The following RAP1A variants were observed in gnomAD, a reference collection of about 807,000 sequenced individuals.
RAP1A encodes RAP1A, member of RAS oncogene family, also known as ras-related protein Rap-1A.
In RAP1A, 6 loss-of-function variants were observed where a neutral mutation model predicts 26.4. The ratio of observed to expected loss-of-function variants is 0.23; its 90% CI spans 0.12 to 0.45. The LOEUF is 0.45. Among genes scored for constraint, RAP1A ranks in the 20% least tolerant of loss-of-function variants. The pLI is 0.99. For missense variants in RAP1A, 121 were observed against 217.2 expected, an observed-to-expected ratio of 0.56 and a Z score of 2.78; for synonymous variants, 73 against 79.4, an observed-to-expected ratio of 0.92 and a Z score of 0.43.
chr1:111,568,628 C>T (rs2101053954), intron 1 of RAP1A, among the ~76,000 whole-genome samples: 1 of 152,312 alleles, frequency 6.6e-6, no homozygotes, highest in Admixed American at 6.5e-5. Context: ...GGGAGGTAGC[C>T]TAATAATGCT....
Position 111,695,425 on chromosome 1 carries a change from T to G in RAP1A, c.126+16T>G, listed in dbSNP as rs752231023. ...CTACAGAAAGGTAAAATGTGAAACT[T>G]GTACACACATGCTTACAAGTAGTTC... On this transcript the variant is annotated intron_variant, in intron 3 of 7. Coordinates refer to ENST00000369709, the MANE Select transcript of RAP1A (RefSeq NM_002884.4). 6.7e-7 allele frequency: 1 copy of G among 1,502,120 alleles called. No homozygotes were observed. The highest frequency in any genetic ancestry group is 2.4e-5 in the East Asian group (1 of 40,952). 93.0% of individuals were successfully genotyped at this position (1,502,120 alleles called of 1,614,324 possible).
At chr1:111,657,065 A>AG (rs1473377712) in intron 1 of RAP1A, among the ~76,000 whole-genome samples, 1 of 151,768 alleles carries the variant, frequency 6.6e-6, no homozygotes, top group Non-Finnish European at 1.5e-5. Flanking sequence ...TTACTACAAT[A>AG]GGTACTTCAT....
rs534778891 is a variant in RAP1A at position 111,632,824 on chromosome 1, G to A, written c.-28+12890G>A. On this transcript the variant is annotated intron_variant, in intron 1 of 7. Coordinates refer to ENST00000369709, the MANE Select transcript of RAP1A (RefSeq NM_002884.4). ...TAATCCCAGCTACTCAGGAGGCTGA[G>A]GCAGGAGAATCCCTTGAACCTGGGA... Among the ~76,000 whole-genome samples, 7 of 151,844 alleles carry A rather than the reference G, an allele frequency of 4.6e-5. No homozygotes were observed. In the South Asian group the frequency reaches 1.0e-3, roughly 22 times the overall value.
At chr1:111,634,373 T>C (rs1486781570) in intron 1 of RAP1A, among the ~76,000 whole-genome samples, 1 of 152,008 alleles carries the variant, frequency 6.6e-6, no homozygotes, top group Non-Finnish European at 1.5e-5. Context: ...ATTGTTACAT[T>C]GGTAAATGCA....
intron 1 of RAP1A, among the ~76,000 whole-genome samples, chr1:111,641,327 T>G (rs1273203559): frequency 1.3e-5 from 2 of 152,182 alleles, no homozygotes; most frequent in African/African-American, 4.8e-5. Flanking sequence ...CTTATTCTGT[T>G]CTTACCACTC....
rs528235996 is a variant in RAP1A at position 111,647,320 on chromosome 1, C to G, written c.-28+27386C>G. 6.6e-5 allele frequency among the ~76,000 whole-genome samples: 10 copies of G among 152,204 alleles called. 1 individual carries two copies. The highest frequency in any genetic ancestry group is 2.0e-4 in the Admixed American group (3 of 15,282). ...CTGTCTAGTTGCAGGAAAATAAGCT[C>G]AGGGTTCCCACTGATTCTACAGTAT... On this transcript the variant is annotated intron_variant, in intron 1 of 7. Transcript: ENST00000369709.
intron 1 of RAP1A, among the ~76,000 whole-genome samples, chr1:111,592,320 A>G (rs1470039390): frequency 2.0e-5 from 3 of 152,128 alleles, no homozygotes; most frequent in Non-Finnish European, 4.4e-5. Context: ...ATGTTCACCA[A>G]TCTCCTGGCT....
chr1:111,618,075 G>A (rs150867887), upstream of RAP1A, among the ~76,000 whole-genome samples: 272 of 151,810 alleles, frequency 1.8e-3, 1 homozygote, highest in African/African-American at 6.4e-3. Flanking sequence ...ATACTAAAAT[G>A]AGAAAAAGCA....
chr1:111,644,345 A>G (rs575028198), intron 1 of RAP1A, among the ~76,000 whole-genome samples: 2 of 152,316 alleles, frequency 1.3e-5, no homozygotes, highest in African/African-American at 4.8e-5. Flanking sequence ...TTGCAGGGGT[A>G]GGGACCTAGG....
At chr1:111,679,682 T>C (rs895625807) in intron 1 of RAP1A, among the ~76,000 whole-genome samples, 3 of 152,132 alleles carry the variant, frequency 2.0e-5, no homozygotes, top group Non-Finnish European at 4.4e-5. Context: ...CTGCACAGCA[T>C]TCTGAAGTTG....
intron 1 of RAP1A, among the ~76,000 whole-genome samples, chr1:111,642,440 C>T (rs1182488626): frequency 6.6e-6 from 1 of 151,386 alleles, no homozygotes; most frequent in Non-Finnish European, 1.5e-5. Context: ...CCCTTTCTTG[C>T]TTATTCCTCC....
intron 1 of RAP1A, among the ~76,000 whole-genome samples, chr1:111,595,194 C>T (rs17028068): frequency 0.016 from 2,434 of 152,156 alleles, 66 homozygotes; most frequent in African/African-American, 0.055. Context: ...AATTAATGTA[C>T]GAAATTTAGA....
At chr1:111,632,148 C>T (rs1659585653) in intron 1 of RAP1A, among the ~76,000 whole-genome samples, 1 of 151,408 alleles carries the variant, frequency 6.6e-6, no homozygotes, top group South Asian at 2.1e-4. Flanking sequence ...ATTAGAATAT[C>T]AAAGTGTGTG....
rs1025708891 is a variant in RAP1A, at chr1:111,656,715, T to TC, written c.-27-34612dup. ...TATCCCAAGAAACTATATACATGGT[T>TC]CCCCCCCGCCACTGCCTCACTCACT... On this transcript the variant is annotated intron_variant, in intron 1 of 7. Coordinates refer to ENST00000369709, the MANE Select transcript of RAP1A (RefSeq NM_002884.4). Among the ~76,000 whole-genome samples, 12 of 151,554 alleles carry TC rather than the reference T, an allele frequency of 7.9e-5. No homozygotes were observed. The East Asian group carries it at 9.7e-4, about 12-fold the overall frequency.
intron 1 of RAP1A, among the ~76,000 whole-genome samples, chr1:111,652,275 T>C (rs1660299879): frequency 1.3e-5 from 2 of 152,226 alleles, no homozygotes; most frequent in African/African-American, 4.8e-5. Context: ...CAAGTATTTT[T>C]AGAACCTCTG....
intron 1 of RAP1A, among the ~76,000 whole-genome samples, chr1:111,642,294 C>G (rs149517471): frequency 3.9e-5 from 6 of 152,038 alleles, no homozygotes; most frequent in African/African-American, 1.4e-4. Flanking sequence ...TAATCCCCAC[C>G]CCACAGAAAT....
chr1:111,604,206 G>A (rs1658726563), intron 1 of RAP1A, among the ~76,000 whole-genome samples: 1 of 152,238 alleles, frequency 6.6e-6, no homozygotes. Flanking sequence ...AAATGGGCTT[G>A]TGTAGTGCTC....
chr1:111,688,378 G>A (rs112190781), intron 1 of RAP1A, among the ~76,000 whole-genome samples: 1 of 143,554 alleles, frequency 7.0e-6, no homozygotes, highest in African/African-American at 2.6e-5. Flanking sequence ...GCAGTGCTGT[G>A]GTGCAATCTC....
chr1:111,585,999 A>G (rs973558027), intron 1 of RAP1A, among the ~76,000 whole-genome samples: 7 of 152,170 alleles, frequency 4.6e-5, no homozygotes, highest in Admixed American at 4.6e-4. Context: ...ATTTGTATGT[A>G]TCTCACTAAT....
Sources: allele counts gnomAD v4.1 joint callset (sites outside exome capture counted in the v4.1 genomes callset), GRCh38; gene constraint gnomAD v4.1.1; transcripts MANE v1.5; gene names NCBI Gene and HGNC (gene_info 2026-07-23, HGNC 2026-07-21).